The following DCDC1 variants were observed in gnomAD, a reference collection of about 807,000 sequenced individuals.
DCDC1 encodes the protein doublecortin domain containing 1, also known as doublecortin domain-containing protein 1.
DCDC1 carries 200 observed loss-of-function variants against 178.3 expected under a neutral mutation model. The ratio of observed to expected loss-of-function variants is 1.12; its 90% CI spans 1.00 to 1.26. The LOEUF (loss-of-function observed/expected upper bound fraction) is 1.26. DCDC1 is among the 50% of genes most tolerant of loss of function. The pLI, the probability that DCDC1 is intolerant of heterozygous loss-of-function variation, is 0.00. For missense variants in DCDC1, 1,983 were observed against 1,749.2 expected (o/e 1.13, Z -2.38); for synonymous variants, 690 against 604.8 (o/e 1.14, Z -2.07).
intron 10 of DCDC1, among the ~76,000 whole-genome samples, chr11:31,132,195 C>T (rs1307358554): frequency 6.6e-6 from 1 of 152,140 alleles, no homozygotes; most frequent in Non-Finnish European, 1.5e-5. Context: ...ATCTTAAACA[C>T]AGGAGAAAAT....
At chr11:31,060,461 A>G (rs919946171) in intron 20 of DCDC1, among the ~76,000 whole-genome samples, 2 of 152,116 alleles carry the variant, frequency 1.3e-5, no homozygotes, top group African/African-American at 2.4e-5. Flanking sequence ...CATATCTCCT[A>G]GTGATTACAA....
intron 38 of DCDC1, among the ~76,000 whole-genome samples, chr11:30,873,329 A>ATG (rs1208164800): frequency 1.6e-3 from 229 of 140,246 alleles, no homozygotes; most frequent in African/African-American, 6.3e-3. Context: ...ATATATAAAA[A>ATG]TGTGTGTGTA....
At chr11:31,211,375 A>G (rs1165518211) in intron 9 of DCDC1, among the ~76,000 whole-genome samples, 1 of 152,224 alleles carries the variant, frequency 6.6e-6, no homozygotes, top group African/African-American at 2.4e-5. Context: ...CAATTGCACA[A>G]CTGCATCCTC....
intron 13 of DCDC1, among the ~76,000 whole-genome samples, chr11:31,106,134 TG>T (rs979992478): frequency 3.3e-5 from 5 of 152,184 alleles, no homozygotes; most frequent in African/African-American, 1.2e-4. Flanking sequence ...GATAATTTTA[TG>T]CAGGAATTTA....
At chr11:30,926,613 G>T (rs1023869291) in intron 22 of DCDC1, among the ~76,000 whole-genome samples, 1 of 152,174 alleles carries the variant, frequency 6.6e-6, no homozygotes, top group African/African-American at 2.4e-5. Flanking sequence ...AGAAGTAGAA[G>T]ATTCTTGCTA....
At chr11:31,324,323 G>GA (rs1555177750) in intron 3 of DCDC1, among the ~76,000 whole-genome samples, 3 of 151,858 alleles carry the variant, frequency 2.0e-5, no homozygotes, top group Non-Finnish European at 4.4e-5. Flanking sequence ...AAAAAAAAAG[G>GA]TTTTTTACTT....
At chr11:31,130,202 A>C (rs1212969758) in intron 10 of DCDC1, among the ~76,000 whole-genome samples, 2 of 152,134 alleles carry the variant, frequency 1.3e-5, no homozygotes, top group African/African-American at 4.8e-5. Flanking sequence ...CACTTCCTCT[A>C]GCAGACCTTC....
At position 31,357,717 on chromosome 11, in the gene DCDC1, G is replaced by C. The variant is rs966292403; in HGVS notation, c.-125+11980C>G. Among the ~76,000 whole-genome samples, 2 of 152,082 alleles carry C rather than the reference G, an allele frequency of 1.3e-5. 1 individual carries two copies. Among genetic ancestry groups the C allele is most frequent in the South Asian group, 4.2e-4 (2 of 4,816 alleles). Reference sequence around the variant, plus strand: ...TTGTCTCAGCCCAAAATCTCCTTAAGCTGATAAGCAACTTCAGCAAAGTCT... The same window carrying C: ...TTGTCTCAGCCCAAAATCTCCTTAACCTGATAAGCAACTTCAGCAAAGTCT... On this transcript the variant is annotated intron_variant, in intron 1 of 38. Coordinates refer to ENST00000684477, the MANE Select transcript of DCDC1 (RefSeq NM_001387274.1).
At chr11:31,254,650 A>C (rs1009670691) in intron 8 of DCDC1, among the ~76,000 whole-genome samples, 14 of 152,206 alleles carry the variant, frequency 9.2e-5, no homozygotes. Flanking sequence ...GCAAGTTAAC[A>C]GGGTGGTTCT....
chr11:31,130,964 T>C (rs2135956365), intron 10 of DCDC1, among the ~76,000 whole-genome samples: 1 of 27,840 alleles, frequency 3.6e-5, no homozygotes, highest in Admixed American at 3.2e-4. Context: ...GGGTGGATCA[T>C]GAGGTCAGGA....
chr11:30,908,348 A>G (rs551467496), intron 29 of DCDC1, among the ~76,000 whole-genome samples: 1 of 152,296 alleles, frequency 6.6e-6, no homozygotes, highest in South Asian at 2.1e-4. Context: ...ATTAAGGGGC[A>G]TTCAATATGA....
chr11:31,138,704 G>T (rs1400184612), intron 9 of DCDC1, among the ~76,000 whole-genome samples: 1 of 152,160 alleles, frequency 6.6e-6, no homozygotes, highest in Non-Finnish European at 1.5e-5. Context: ...TCAATTGTAT[G>T]CCTGGAAAAT....
At chr11:31,199,783 G>A (rs1267293736) in intron 9 of DCDC1, among the ~76,000 whole-genome samples, 1 of 152,046 alleles carries the variant, frequency 6.6e-6, no homozygotes, top group Non-Finnish European at 1.5e-5. Flanking sequence ...CTACTCTCAG[G>A]TTTGGGTGTT....
chr11:31,131,914 T>C (rs1233418412), intron 10 of DCDC1, among the ~76,000 whole-genome samples: 1 of 152,210 alleles, frequency 6.6e-6, no homozygotes, highest in Non-Finnish European at 1.5e-5. Flanking sequence ...ACTGTCACAA[T>C]CCATAGCCTT....
intron 9 of DCDC1, among the ~76,000 whole-genome samples, chr11:31,239,669 T>C (rs1314795528): frequency 6.6e-6 from 1 of 151,948 alleles, no homozygotes; most frequent in Non-Finnish European, 1.5e-5. Flanking sequence ...GCAAAGAGCA[T>C]AGGTTTCAAA....
chr11:30,971,903 C>T (rs1311431634), intron 20 of DCDC1, among the ~76,000 whole-genome samples: 1 of 152,034 alleles, frequency 6.6e-6, no homozygotes, highest in Non-Finnish European at 1.5e-5. Context: ...GCCACTGCAC[C>T]TGGCCAAAAA....
intron 11 of DCDC1, among the ~76,000 whole-genome samples, chr11:31,113,919 T>C (rs1052226754): frequency 1.9e-4 from 29 of 152,304 alleles, no homozygotes; most frequent in African/African-American, 3.1e-4. Context: ...AGCTGTAAAA[T>C]GTGGAAAAAT....
chr11:31,048,803 G>A (rs1202504844), intron 20 of DCDC1, among the ~76,000 whole-genome samples: 4 of 152,138 alleles, frequency 2.6e-5, no homozygotes, highest in African/African-American at 9.7e-5. Context: ...CTTGCAGTCC[G>A]CTGAGATTGC....
At chr11:30,906,958 C>A (rs546994432) in intron 29 of DCDC1, among the ~76,000 whole-genome samples, 3 of 152,120 alleles carry the variant, frequency 2.0e-5, no homozygotes, top group Non-Finnish European at 4.4e-5. Context: ...AAACTATGTG[C>A]AAAATCAGCT....
Sources: allele counts gnomAD v4.1 joint callset (sites outside exome capture counted in the v4.1 genomes callset), GRCh38; gene constraint gnomAD v4.1.1; transcripts MANE v1.5; gene names NCBI Gene and HGNC (gene_info 2026-07-23, HGNC 2026-07-21).